Variants in TEF observed in about 807,000 individuals in gnomAD.
TEF encodes the protein TEF transcription factor, PAR bZIP family member.
A neutral mutation model predicts 20.8 loss-of-function variants in TEF; 3 were observed. The ratio of observed to expected loss-of-function variants is 0.14; its 90% CI spans 0.07 to 0.37. The LOEUF (loss-of-function observed/expected upper bound fraction) is 0.37, where lower values mean the gene tolerates loss of function less well. Among genes scored for constraint, TEF ranks in the 10% least tolerant of loss-of-function variants. The pLI, the probability that TEF is intolerant of heterozygous loss-of-function variation, is 1.00. For missense variants in TEF, 296 were observed against 397.9 expected (o/e 0.74, Z 2.18); for synonymous variants, 180 against 171.1 (o/e 1.05, Z -0.41).
At chr22:41,394,019 C>G in intron 2 of TEF, 77 bp from the exon 3 acceptor site, 1 of 1,382,438 alleles carries the variant, frequency 7.2e-7, no homozygotes, top group Non-Finnish European at 1.0e-6. Flanking sequence ...GAGGTTCAAC[C>G]AGGTGTCTGG....
chr22:41,386,283 CA>C (rs987677020), intron 1 of TEF, among the ~76,000 whole-genome samples: 2 of 151,288 alleles, frequency 1.3e-5, no homozygotes, highest in Non-Finnish European at 1.5e-5. Context: ...CTACTAAATA[CA>C]AAAAAAATTA....
chr22:41,393,274 G>A (rs910304713), intron 2 of TEF, among the ~76,000 whole-genome samples: 2 of 151,370 alleles, frequency 1.3e-5, no homozygotes, highest in Middle Eastern at 3.4e-3. Flanking sequence ...CCAGAAGGTC[G>A]AGGGTGCAGT....
chr22:41,368,323 C>T (rs1170547625), intron 1 of TEF, among the ~76,000 whole-genome samples: 1 of 152,138 alleles, frequency 6.6e-6, no homozygotes, highest in Non-Finnish European at 1.5e-5. Flanking sequence ...CCCAGGGCTC[C>T]AACTCCTCCT....
chr22:41,387,236 G>A (rs1360461133), intron 1 of TEF, 115 bp from the exon 2 acceptor site: 3 of 1,121,866 alleles, frequency 2.7e-6, no homozygotes, highest in Non-Finnish European at 3.8e-6. Flanking sequence ...TGAAATGCAT[G>A]GGTTGGAATC....
chr22:41,379,050 C>G (rs1444856033), upstream of TEF, among the ~76,000 whole-genome samples: 1 of 152,144 alleles, frequency 6.6e-6, no homozygotes, highest in African/African-American at 2.4e-5. Context: ...ACAGAAACCC[C>G]GTAAGGTAGG....
intron 2 of TEF, among the ~76,000 whole-genome samples, chr22:41,389,617 C>G (rs1039869415): frequency 1.3e-5 from 2 of 151,754 alleles, no homozygotes; most frequent in African/African-American, 4.8e-5. Flanking sequence ...GACTCCATCT[C>G]AAAATAAATA....
rs2037228486 is a variant in TEF at position 41,396,383 on chromosome 22, G to A, written c.*423G>A. On this transcript the variant is annotated 3_prime_UTR_variant, in exon 4 of 4. Transcript: ENST00000266304. ...TCACCCTATGTCTTCTCAGGTAGCA[G>A]GGCGCGTTTCCACTTAAGGTGTGTC... is the stretch of plus-strand genomic sequence containing the variant. The A allele has an allele frequency of 1.1e-5, 2 of 176,946 alleles. No individual in the cohort carries two copies. Among genetic ancestry groups the A allele is most frequent in the African/African-American group, 4.7e-5 (2 of 42,282 alleles). The allele number at this position is 176,946 out of a possible 1,614,324, so 11.0% of individuals were successfully genotyped here.
chr22:41,382,319 A>T (rs1037269205), intron 1 of TEF, 118 bp downstream of exon 1: 36 of 756,872 alleles, frequency 4.8e-5, no homozygotes, highest in East Asian at 5.8e-5. Flanking sequence ...GCGGAGGGGG[A>T]TGGGGCCTGG....
intron 3 of TEF, among the ~76,000 whole-genome samples, chr22:41,394,556 G>A (rs896989154): frequency 1.3e-5 from 2 of 152,244 alleles, no homozygotes; most frequent in Non-Finnish European, 2.9e-5. Flanking sequence ...GCCATCGGCT[G>A]TGTTGATGTT....
rs536008699 is a variant in TEF, at chr22:41,371,950, T to G, written c.67+4351T>G. 5.1e-4 allele frequency among the ~76,000 whole-genome samples: 77 copies of G among 151,942 alleles called. 1 individual carries two copies. Among genetic ancestry groups the G allele is most frequent in the Middle Eastern group, 6.8e-3 (2 of 294 alleles). ...TGGACTGAGGGAAATGAGCCGAGAG[T>G]GTGGACTCGGTGCAGCCTGGGCTCT... On this transcript the variant is annotated intron_variant, in intron 1 of 3. Coordinates refer to the TEF transcript ENST00000406644.
rs2037239623 is a variant in TEF at position 41,397,131 on chromosome 22, C to G, written c.*1171C>G. On this transcript the variant is annotated 3_prime_UTR_variant, in exon 4 of 4. Transcript: ENST00000266304. The stretch of plus-strand genomic sequence containing the variant: ...GGCAAGACACCTAGTCTAGAGTCAC[C>G]AAGGTCACAGTGCCACTTTCACGGG... The G allele has an allele frequency of 5.0e-6, 2 of 398,590 alleles. No homozygotes were observed. Among genetic ancestry groups the G allele is most frequent in the South Asian group, 2.5e-4 (2 of 7,858 alleles). The allele number at this position is 398,590 out of a possible 1,614,324, so 24.7% of individuals were successfully genotyped here. A position where few individuals can be genotyped will look rare whatever the true frequency, so the allele number is the denominator to read the frequency against.
At chr22:41,370,141 A>G in intron 1 of TEF, 1 of 971,264 alleles carries the variant, frequency 1.0e-6, no homozygotes, top group Non-Finnish European at 1.2e-6. Context: ...TTGAGATAAG[A>G]GTCTTGCTCT....
rs2037250614 is a variant in TEF, at chr22:41,398,010, CGCCCTCTGCCTGTTTGGT to C, written c.*2057_*2074del. 6.6e-6 allele frequency: 1 copy of C among 152,178 alleles called. No homozygotes were observed. Among genetic ancestry groups the C allele is most frequent in the African/African-American group, 2.4e-5 (1 of 41,434 alleles). The allele number at this position is 152,178 out of a possible 1,614,324, so 9.4% of individuals were successfully genotyped here. On this transcript the variant is annotated 3_prime_UTR_variant, in exon 4 of 4. Transcript: ENST00000266304. ...GGCTCGATGTGTCTCCTCTTTATCC[CGCCCTCTGCCTGTTTGGT>C]GCCCTCCCTTCTTTCCCCCAGGCAG...
chr22:41,377,896 A>G (rs2036963371), upstream of TEF, among the ~76,000 whole-genome samples: 1 of 152,178 alleles, frequency 6.6e-6, no homozygotes, highest in Non-Finnish European at 1.5e-5. Context: ...CTGGGAGATG[A>G]GTGGAGTAGG....
chr22:41,386,075 TG>T (rs1469318107), intron 1 of TEF, among the ~76,000 whole-genome samples: 2 of 152,124 alleles, frequency 1.3e-5, no homozygotes, highest in African/African-American at 2.4e-5. Context: ...TCCACTCGCC[TG>T]GGCCTCTCAA....
intron 2 of TEF, among the ~76,000 whole-genome samples, chr22:41,393,773 CAAAAAAA>C (rs879096914): frequency 1.2e-4 from 7 of 60,308 alleles, no homozygotes; most frequent in Admixed American, 5.8e-4. Context: ...ACTCCCATCT[CAAAAAAA>C]AAAAAAAAAA....
At chr22:41,369,150 G>A (rs1373294044) in intron 1 of TEF, 42 of 985,232 alleles carry the variant, frequency 4.3e-5, no homozygotes, top group South Asian at 1.4e-4. Flanking sequence ...GGGGCGACTC[G>A]GGGCACTGCT....
chr22:41,385,473 T>C (rs2037086789), intron 1 of TEF, among the ~76,000 whole-genome samples: 1 of 152,098 alleles, frequency 6.6e-6, no homozygotes, highest in Admixed American at 6.5e-5. Context: ...AGGTCACACA[T>C]CAAACAGCAA....
chr22:41,393,861 C>A (rs1422965135), intron 2 of TEF, among the ~76,000 whole-genome samples: 1 of 151,564 alleles, frequency 6.6e-6, no homozygotes, highest in Admixed American at 6.6e-5. Flanking sequence ...TTTTCTAGGG[C>A]TTCTGTTTCC....
Sources: gnomAD v4.1 joint callset for allele counts (sites outside exome capture counted in the v4.1 genomes callset) on GRCh38, gnomAD v4.1.1 for gene constraint, MANE v1.5 for transcripts, NCBI Gene and HGNC (gene_info 2026-07-23, HGNC 2026-07-21) for gene names.